The following ITFG1 variants were observed in gnomAD, a reference collection of about 807,000 sequenced individuals.
The protein encoded by ITFG1 is integrin alpha FG-GAP repeat containing 1.
In ITFG1, 34 loss-of-function variants were observed where a neutral mutation model predicts 81.8. The observed-to-expected ratio is 0.42, with a 90% confidence interval of 0.32 to 0.55. ITFG1 has a LOEUF of 0.55. ITFG1 is among the 20% of genes least tolerant of loss of function. ITFG1 has a pLI of 0.17. For missense variants in ITFG1, 672 were observed against 755.4 expected (o/e 0.89, Z 1.29); for synonymous variants, 285 against 270.6 (o/e 1.05, Z -0.52).
At chr16:47,356,352 G>A (rs942496049) in intron 8 of ITFG1, among the ~76,000 whole-genome samples, 8 of 152,114 alleles carry the variant, frequency 5.3e-5, no homozygotes, top group African/African-American at 7.2e-5. Context: ...TCCTTTCAAC[G>A]TCACTGATTA....
intron 14 of ITFG1, among the ~76,000 whole-genome samples, chr16:47,186,789 G>T (rs545164761): frequency 1.3e-5 from 2 of 152,056 alleles, no homozygotes; most frequent in Non-Finnish European, 2.9e-5. Context: ...GGAAATAAAG[G>T]GTATTCAATT....
chr16:47,256,760 C>T (rs769308207), intron 12 of ITFG1, among the ~76,000 whole-genome samples: 61 of 152,204 alleles, frequency 4.0e-4, no homozygotes, highest in Admixed American at 7.2e-4. Flanking sequence ...CATGTTATAT[C>T]AGTTTCATCT....
intron 6 of ITFG1, among the ~76,000 whole-genome samples, chr16:47,410,832 G>T (rs769577932): frequency 1.3e-5 from 2 of 152,206 alleles, no homozygotes; most frequent in Non-Finnish European, 2.9e-5. Flanking sequence ...GGGGTTTTGC[G>T]TGCAGGGCAT....
chr16:47,185,093 T>C (rs375778686), intron 14 of ITFG1, among the ~76,000 whole-genome samples: 3 of 151,770 alleles, frequency 2.0e-5, no homozygotes, highest in South Asian at 2.1e-4. Flanking sequence ...CCTAAATATA[T>C]ATGCACCCAA....
intron 10 of ITFG1, among the ~76,000 whole-genome samples, chr16:47,310,534 G>C (rs1967241636): frequency 6.6e-6 from 1 of 152,126 alleles, no homozygotes; most frequent in African/African-American, 2.4e-5. Flanking sequence ...TAACTACATT[G>C]GTTTATCTAC....
rs2151564378 is a variant in ITFG1 at position 47,311,313 on chromosome 16, T to A, written c.997A>T (p.Thr333Ser). The A allele has an allele frequency of 6.2e-7, 1 of 1,612,226 alleles. No homozygotes were observed. The highest frequency in any genetic ancestry group is 2.2e-5 in the East Asian group (1 of 44,850). Residue 333 changes from threonine to serine, a missense_variant, in exon 10 of 18, where the codon ACC (threonine) becomes TCC (serine). By Grantham distance (58) the Thr-to-Ser change is moderately conservative. Transcript: ENST00000320640. ...ATATTGTAGTCTCCAATATGAAGGG[T>A]AATTGGAATTGGTATTTCAGTTGGT... is the stretch of plus-strand genomic sequence containing the variant. ...QQPTEIPIPI[T>S]LHIGDYNMDG...
intron 5 of ITFG1, among the ~76,000 whole-genome samples, chr16:47,434,881 T>C (rs926304507): frequency 2.0e-5 from 3 of 152,266 alleles, no homozygotes; most frequent in East Asian, 1.9e-4. Flanking sequence ...TGCAGGGACA[T>C]GAATGTAGCT....
intron 8 of ITFG1, among the ~76,000 whole-genome samples, chr16:47,341,906 TAA>T (rs1967789606): frequency 6.6e-6 from 1 of 152,038 alleles, no homozygotes; most frequent in Non-Finnish European, 1.5e-5. Flanking sequence ...CTATAACAAG[TAA>T]AGAGATTGAA....
chr16:47,176,612 G>T (rs529000246), intron 14 of ITFG1, among the ~76,000 whole-genome samples: 5 of 152,278 alleles, frequency 3.3e-5, no homozygotes, highest in Admixed American at 6.5e-5. Flanking sequence ...CTGCCTAAGA[G>T]AATCATACAT....
intron 8 of ITFG1, among the ~76,000 whole-genome samples, chr16:47,352,935 A>T (rs1215292203): frequency 1.3e-5 from 2 of 152,128 alleles, no homozygotes; most frequent in Non-Finnish European, 2.9e-5. Context: ...GGAAACCATG[A>T]TTCTCAGCAA....
Position 47,403,923 on chromosome 16 carries a change from AG to A in ITFG1, c.655+24880del, listed in dbSNP as rs566172194. Reference sequence around the variant, plus strand: ...TGAGCCGCATGGCATCACCCTCAGAAGGGACCATCTAGTTGCAGGAAAACAA... The same window carrying A: ...TGAGCCGCATGGCATCACCCTCAGAAGGACCATCTAGTTGCAGGAAAACAA... On this transcript the variant is annotated intron_variant, in intron 6 of 17. Coordinates refer to ENST00000320640, the MANE Select transcript of ITFG1 (RefSeq NM_030790.5). Among the ~76,000 whole-genome samples, 3 of 151,902 alleles carry A rather than the reference AG, an allele frequency of 2.0e-5. No individual in the cohort carries two copies. In the South Asian group the frequency reaches 6.3e-4, roughly 32 times the overall value.
chr16:47,343,735 C>G (rs1228996381), intron 8 of ITFG1, among the ~76,000 whole-genome samples: 1 of 152,036 alleles, frequency 6.6e-6, no homozygotes, highest in African/African-American at 2.4e-5. Flanking sequence ...AAACTGGAAC[C>G]CTTCCGCACT....
intron 6 of ITFG1, among the ~76,000 whole-genome samples, chr16:47,410,138 G>A (rs1478353177): frequency 6.6e-6 from 1 of 152,036 alleles, no homozygotes; most frequent in Admixed American, 6.6e-5. Context: ...AATTAGCCAG[G>A]CATGGTGGCA....
chr16:47,165,671 C>T (rs1964879227), intron 14 of ITFG1, among the ~76,000 whole-genome samples: 1 of 152,190 alleles, frequency 6.6e-6, no homozygotes, highest in Admixed American at 6.5e-5. Flanking sequence ...TGTGGTGAAG[C>T]CCCACCTCTA....
intron 10 of ITFG1, among the ~76,000 whole-genome samples, chr16:47,287,115 T>C (rs1966872534): frequency 6.6e-6 from 1 of 152,140 alleles, no homozygotes; most frequent in African/African-American, 2.4e-5. Context: ...GCAAGGACAC[T>C]TGGTTAAGAA....
At chr16:47,424,678 A>C (rs977733132) in intron 6 of ITFG1, among the ~76,000 whole-genome samples, 3 of 152,016 alleles carry the variant, frequency 2.0e-5, no homozygotes, top group African/African-American at 7.3e-5. Flanking sequence ...TTTTCCTTCT[A>C]ACAGTCAGGC....
chr16:47,426,841 C>T (rs1432457974), intron 6 of ITFG1, among the ~76,000 whole-genome samples: 4 of 152,182 alleles, frequency 2.6e-5, no homozygotes, highest in South Asian at 2.1e-4. Context: ...GGTTTTGCAT[C>T]ATGGAATACT....
chr16:47,352,909 C>G (rs572782658), intron 8 of ITFG1, among the ~76,000 whole-genome samples: 2 of 152,090 alleles, frequency 1.3e-5, no homozygotes, highest in South Asian at 4.2e-4. Flanking sequence ...TCCTTTGTAG[C>G]GACATGGATG....
At chr16:47,257,521 G>A (rs927238654) in intron 12 of ITFG1, among the ~76,000 whole-genome samples, 20 of 152,282 alleles carry the variant, frequency 1.3e-4, no homozygotes, top group Middle Eastern at 6.8e-3. Context: ...GTAACACAAT[G>A]AGGAAAACAG....
Sources: gnomAD v4.1 joint callset for allele counts (sites outside exome capture counted in the v4.1 genomes callset) on GRCh38, gnomAD v4.1.1 for gene constraint, MANE v1.5 for transcripts, NCBI Gene and HGNC (gene_info 2026-07-23, HGNC 2026-07-21) for gene names.